The following ZBTB8A variants were observed in gnomAD, a reference collection of about 807,000 sequenced individuals.
ZBTB8A encodes the protein zinc finger and BTB domain containing 8A.
A neutral mutation model predicts 37.8 loss-of-function variants in ZBTB8A; 19 were observed. The ratio of observed to expected loss-of-function variants is 0.50; its 90% CI spans 0.35 to 0.74. The LOEUF (loss-of-function observed/expected upper bound fraction) is 0.74. Among genes scored for constraint, ZBTB8A ranks in the 30% least tolerant of loss-of-function variants. The pLI is 0.01. For synonymous variants in ZBTB8A, 181 were observed against 185.2 expected (o/e 0.98, Z 0.19); for missense variants, 394 against 537.8 (o/e 0.73, Z 2.65).
rs1331858519 is a variant in ZBTB8A, at chr1:32,601,857, C to G, written c.*1438C>G. ...TTGATCTAGAGATTTTCAAATAATG[C>G]TAAGTAATGTCCCTACAGTACCTAT... On this transcript the variant is annotated 3_prime_UTR_variant, in exon 5 of 5. Transcript: ENST00000373510. 1 of 395,118 alleles carries G rather than the reference C, an allele frequency of 2.5e-6. No individual in the cohort carries two copies. Among genetic ancestry groups the G allele is most frequent in the Non-Finnish European group, 4.5e-6 (1 of 224,576 alleles). The allele number at this position is 395,118 out of a possible 1,614,324, so 24.5% of individuals were successfully genotyped here.
chr1:32,586,192 G>T lies in ZBTB8A; in HGVS notation c.-1-6739G>T, dbSNP rs1158395206. On this transcript the variant is annotated intron_variant, in intron 2 of 4. Coordinates refer to ENST00000373510, the MANE Select transcript of ZBTB8A (RefSeq NM_001040441.3). ...AAAATTAACCGGGGTGGTGGTGCAT[G>T]CCTGTAATCCCAGCTACTCAGGATG... Among the ~76,000 whole-genome samples the T allele has an allele frequency of 4.0e-5, 6 of 148,756 alleles. No individual in the cohort carries two copies. The East Asian group carries it at 1.2e-3, about 30-fold the overall frequency.
intron 2 of ZBTB8A, among the ~76,000 whole-genome samples, chr1:32,558,784 A>C (rs868707313): frequency 6.6e-6 from 1 of 152,204 alleles, no homozygotes; most frequent in Non-Finnish European, 1.5e-5. Context: ...TTTGGAATTC[A>C]GTAAGTTTGA....
chr1:32,584,246 G>A (rs1644428855), intron 2 of ZBTB8A, among the ~76,000 whole-genome samples: 1 of 152,050 alleles, frequency 6.6e-6, no homozygotes, highest in Non-Finnish European at 1.5e-5. Flanking sequence ...GGTCCTGTTT[G>A]CAATTTAATT....
intron 2 of ZBTB8A, among the ~76,000 whole-genome samples, chr1:32,559,935 T>C (rs1644231105): frequency 6.6e-6 from 1 of 152,148 alleles, no homozygotes; most frequent in East Asian, 1.9e-4. Context: ...TATAAAGAAA[T>C]ACCTGAGACT....
chr1:32,547,990 G>C (rs1644119996), intron 1 of ZBTB8A, among the ~76,000 whole-genome samples: 1 of 151,464 alleles, frequency 6.6e-6, no homozygotes, highest in African/African-American at 2.4e-5. Flanking sequence ...AGAATTAGCT[G>C]GGCATGGTGG....
intron 2 of ZBTB8A, among the ~76,000 whole-genome samples, chr1:32,577,080 G>A (rs944510939): frequency 2.7e-5 from 4 of 150,780 alleles, no homozygotes; most frequent in Non-Finnish European, 5.9e-5. Context: ...TCACCATGTT[G>A]GCCAGGCTGG....
chr1:32,580,461 G>T (rs1644395045), intron 2 of ZBTB8A, among the ~76,000 whole-genome samples: 1 of 151,564 alleles, frequency 6.6e-6, no homozygotes, highest in African/African-American at 2.4e-5. Flanking sequence ...TGAGGCACGA[G>T]AATTGCTTGA....
intron 1 of ZBTB8A, among the ~76,000 whole-genome samples, chr1:32,549,497 A>C (rs1644133910): frequency 6.6e-6 from 1 of 151,912 alleles, no homozygotes; most frequent in Non-Finnish European, 1.5e-5. Flanking sequence ...CGTCTCAAAA[A>C]AAAAAAAAAA....
At chr1:32,542,204 T>C (rs1430856058) in intron 1 of ZBTB8A, among the ~76,000 whole-genome samples, 1 of 152,150 alleles carries the variant, frequency 6.6e-6, no homozygotes, top group Non-Finnish European at 1.5e-5. Flanking sequence ...AGATTAGTTT[T>C]GCTGACCCTG....
chr1:32,584,002 C>T (rs1188650632), intron 2 of ZBTB8A, among the ~76,000 whole-genome samples: 1 of 152,124 alleles, frequency 6.6e-6, no homozygotes. Flanking sequence ...AAGTGATCCA[C>T]CTGCCTCGGC....
intron 2 of ZBTB8A, among the ~76,000 whole-genome samples, chr1:32,554,226 AT>A (rs1253702104): frequency 2.3e-4 from 34 of 150,686 alleles, no homozygotes; most frequent in Non-Finnish European, 2.5e-4. Context: ...AAAGGGTAAA[AT>A]TTTGTAGTTG....
Position 32,593,502 on chromosome 1 carries a change from A to G in ZBTB8A, c.571A>G (p.Lys191Glu), listed in dbSNP as rs1412864641. The G allele has an allele frequency of 1.2e-6, 2 of 1,614,194 alleles. No homozygotes were observed. Among genetic ancestry groups the G allele is most frequent in the Non-Finnish European group, 1.7e-6 (2 of 1,180,048 alleles). Reference sequence around the variant, plus strand: ...GTATAATTATCATCCAGCCTCCCAGAAGAATACTCAACAACCCTTGGCCAA... The same window carrying G: ...GTATAATTATCATCCAGCCTCCCAGGAGAATACTCAACAACCCTTGGCCAA... ...NKYNYHPASQ[K>E]NTQQPLAKHE... is the part of the protein sequence containing the mutation. Residue 191 changes from lysine to glutamate, a missense_variant, in exon 3 of 5, where the codon AAG becomes GAG. Lys to Glu is a moderately conservative substitution (Grantham distance 56). Transcript: ENST00000373510.
intron 2 of ZBTB8A, among the ~76,000 whole-genome samples, chr1:32,571,609 C>T (rs1288008771): frequency 6.6e-6 from 1 of 151,896 alleles, no homozygotes; most frequent in Non-Finnish European, 1.5e-5. Flanking sequence ...ACGTCTTGCT[C>T]TGTCACCCAG....
chr1:32,544,743 A>C (rs1441427754), intron 1 of ZBTB8A, among the ~76,000 whole-genome samples: 1 of 152,164 alleles, frequency 6.6e-6, no homozygotes, highest in Non-Finnish European at 1.5e-5. Context: ...GTACAATAAA[A>C]ATATGGTATT....
intron 1 of ZBTB8A, among the ~76,000 whole-genome samples, chr1:32,547,344 TTTTC>T (rs1487090520): frequency 2.7e-5 from 4 of 149,150 alleles, no homozygotes; most frequent in East Asian, 2.0e-4. Context: ...ACAAATTTTC[TTTTC>T]TTTCTTTTTT....
chr1:32,539,900 G>C (rs1644037962), intron 1 of ZBTB8A, among the ~76,000 whole-genome samples: 1 of 150,050 alleles, frequency 6.7e-6, no homozygotes, highest in African/African-American at 2.4e-5. Context: ...TGGAGCCGTC[G>C]GGCGCCGCGG....
At chr1:32,595,372 A>G (rs1644522476) in intron 4 of ZBTB8A, 149 bp downstream of exon 4, 3 of 743,370 alleles carry the variant, frequency 4.0e-6, no homozygotes, top group Non-Finnish European at 6.5e-6. Context: ...GGTTCAAGCA[A>G]TTCTCCTGCC....
chr1:32,581,401 G>T (rs535955925), intron 2 of ZBTB8A, among the ~76,000 whole-genome samples: 1 of 144,908 alleles, frequency 6.9e-6, no homozygotes, highest in Admixed American at 7.5e-5. Context: ...GCCCAGGCTG[G>T]AGTGCAATGG....
rs959785193 is a variant in ZBTB8A at position 32,593,917 on chromosome 1, C to T, written c.823+163C>T. Among the ~76,000 whole-genome samples the T allele has an allele frequency of 2.0e-5, 3 of 152,070 alleles. No homozygotes were observed. In the East Asian group the frequency reaches 5.8e-4, roughly 29 times the overall value. ...ATGAAATTTATTTAGTAAGGATAGG[C>T]GTGGTGGCTCACGCCTGTGATTCCA... On this transcript the variant is annotated intron_variant, in intron 3 of 4. Transcript: ENST00000373510.
Sources: gnomAD v4.1 joint callset for allele counts (sites outside exome capture counted in the v4.1 genomes callset) on GRCh38, gnomAD v4.1.1 for gene constraint, MANE v1.5 for transcripts, NCBI Gene and HGNC (gene_info 2026-07-23, HGNC 2026-07-21) for gene names.